Variants in SPNS3 observed in about 807,000 individuals in gnomAD.
The protein encoded by SPNS3 is protein spinster homolog 3.
A neutral mutation model predicts 54.4 loss-of-function variants in SPNS3; 51 were observed. That is an observed-to-expected ratio of 0.94 (90% CI 0.75 to 1.18). The LOEUF (loss-of-function observed/expected upper bound fraction) is 1.18. Ranked by LOEUF, SPNS3 falls within the 50% of genes most tolerant of loss-of-function variation. The pLI, the probability that SPNS3 is intolerant of heterozygous loss-of-function variation, is 0.00. For missense variants in SPNS3, 669 were observed against 677.4 expected (o/e 0.99, Z 0.14); for synonymous variants, 309 against 294.7 (o/e 1.05, Z -0.50).
chr17:4,461,204 C>A (rs1462866491), intron 8 of SPNS3, among the ~76,000 whole-genome samples: 1 of 151,688 alleles, frequency 6.6e-6, no homozygotes, highest in South Asian at 2.1e-4. Flanking sequence ...AGTAATGTCC[C>A]CCCTTTCATT....
intron 7 of SPNS3, among the ~76,000 whole-genome samples, chr17:4,451,603 CTGGTGTTTTCAAGAGTTCACAG>C (rs1206076428): frequency 1.3e-5 from 2 of 152,160 alleles, no homozygotes; most frequent in Non-Finnish European, 2.9e-5. Context: ...CCTGGTTGGA[CTGGTGTTTTCAAGAGTTCACAG>C]TGGGCACAGT....
At chr17:4,472,192 T>C (rs945122631) in intron 8 of SPNS3, among the ~76,000 whole-genome samples, 2 of 152,136 alleles carry the variant, frequency 1.3e-5, no homozygotes, top group African/African-American at 2.4e-5. Flanking sequence ...CTCCCTCCCT[T>C]CCTTCCTTCT....
At chr17:4,438,623 G>C (rs1304740525) in intron 1 of SPNS3, among the ~76,000 whole-genome samples, 1 of 152,240 alleles carries the variant, frequency 6.6e-6, no homozygotes, top group African/African-American at 2.4e-5. Context: ...GAACAGGCTT[G>C]TGTGTGCACA....
chr17:4,457,035 C>T (rs185943410), intron 8 of SPNS3, among the ~76,000 whole-genome samples: 4 of 152,220 alleles, frequency 2.6e-5, no homozygotes, highest in African/African-American at 9.6e-5. Context: ...TTTCTTATGC[C>T]ATTTGACAGG....
Position 4,486,937 on chromosome 17 carries a change from G to A in SPNS3, c.1450+354G>A, listed in dbSNP as rs548420565. Among the ~76,000 whole-genome samples, 1 of 152,074 alleles carries A rather than the reference G, an allele frequency of 6.6e-6. No homozygotes were observed. Among genetic ancestry groups the A allele is most frequent in the African/African-American group, 2.4e-5 (1 of 41,404 alleles). On this transcript the variant is annotated intron_variant, in intron 11 of 11. Transcript: ENST00000355530. This position sits in a 1 kb window ranked among gnomAD's most constrained non-coding sequence, Gnocchi z 5.5. ...ACCTGTAATCCCAGTACTTGGGGAG[G>A]CCAAGGCGGGCGGATTACAAGGTTA...
intron 8 of SPNS3, among the ~76,000 whole-genome samples, chr17:4,468,125 G>A (rs934055834): frequency 6.6e-6 from 1 of 152,152 alleles, no homozygotes; most frequent in Admixed American, 6.5e-5. Flanking sequence ...GGCTCTCTCT[G>A]GCTGCCACGT....
chr17:4,451,341 TC>T (rs1971159717), intron 7 of SPNS3, among the ~76,000 whole-genome samples: 1 of 150,762 alleles, frequency 6.6e-6, no homozygotes, highest in Non-Finnish European at 1.5e-5. Flanking sequence ...AACCTCGGCC[TC>T]CCGGGTTCAA....
At chr17:4,480,252 A>G (rs1394849885) in intron 9 of SPNS3, among the ~76,000 whole-genome samples, 1 of 152,200 alleles carries the variant, frequency 6.6e-6, no homozygotes, top group Non-Finnish European at 1.5e-5. Flanking sequence ...CTTGGGCTCC[A>G]GCCCAGAGTC....
At chr17:4,439,326 C>T (rs62067388) in intron 1 of SPNS3, among the ~76,000 whole-genome samples, 8,720 of 152,152 alleles carry the variant, frequency 0.057, 311 homozygotes, top group Non-Finnish European at 0.08. Flanking sequence ...GGTTTCACCA[C>T]GTTGACCATG....
rs538983641 is a variant in SPNS3 at position 4,451,158 on chromosome 17, C to T, written c.923+1771C>T. ...GACTCAGAGGCAGCTAGCATACATCCGGGATTTGGGTCATTTGACTGGGCT... is the reference window on the plus strand; with the variant it reads ...GACTCAGAGGCAGCTAGCATACATCTGGGATTTGGGTCATTTGACTGGGCT... On this transcript the variant is annotated intron_variant, in intron 7 of 11. Transcript: ENST00000355530. 1.1e-4 allele frequency among the ~76,000 whole-genome samples: 16 copies of T among 152,170 alleles called. No homozygotes were observed. The East Asian group carries it at 1.4e-3, about 13-fold the overall frequency.
chr17:4,453,609 C>T (rs893258894), intron 8 of SPNS3, among the ~76,000 whole-genome samples: 4 of 129,408 alleles, frequency 3.1e-5, no homozygotes, highest in Non-Finnish European at 5.1e-5. Flanking sequence ...TGGAGCAAGA[C>T]TCCATCTTGG....
intron 1 of SPNS3, among the ~76,000 whole-genome samples, chr17:4,435,540 G>T (rs184978756): frequency 2.6e-5 from 4 of 151,944 alleles, no homozygotes; most frequent in African/African-American, 9.6e-5. Flanking sequence ...ACATAATGAG[G>T]GGTGGGTGGG....
rs1423782022 is a variant in SPNS3, at chr17:4,445,102, T to G, written c.336T>G (p.Ala112=). The G allele has an allele frequency of 2.5e-6, 4 of 1,614,086 alleles. No homozygotes were observed. The highest frequency in any genetic ancestry group is 1.7e-5 in the Admixed American group (1 of 60,010). ...GYLGDRHSRK[A]TMSFGILLWS... ...TGGGCGACCGACATAGCCGCAAGGC[T>G]ACCATGAGCTTCGGTATCTTGCTGT... The change falls in exon 3 of 12, where the codon GCT becomes GCG. Residue 112 remains alanine, a synonymous_variant. Transcript: ENST00000355530.
At chr17:4,484,757 C>A (rs527967924) in intron 9 of SPNS3, among the ~76,000 whole-genome samples, 1 of 152,190 alleles carries the variant, frequency 6.6e-6, no homozygotes, top group South Asian at 2.1e-4. Flanking sequence ...CTCCCCCTCC[C>A]TCCTTCCATC....
chr17:4,435,296 A>C (rs1052639655), intron 1 of SPNS3, among the ~76,000 whole-genome samples: 2 of 151,400 alleles, frequency 1.3e-5, no homozygotes, highest in African/African-American at 4.8e-5. Flanking sequence ...GGTAGCGGGC[A>C]CCTGTAATCT....
At chr17:4,456,306 G>T (rs1971312937) in intron 8 of SPNS3, among the ~76,000 whole-genome samples, 1 of 152,114 alleles carries the variant, frequency 6.6e-6, no homozygotes, top group Non-Finnish European at 1.5e-5. Context: ...CACGCAAGCA[G>T]TGGGGGGCCA....
chr17:4,457,249 G>A (rs1239425173), intron 8 of SPNS3, among the ~76,000 whole-genome samples: 1 of 152,144 alleles, frequency 6.6e-6, no homozygotes, highest in Non-Finnish European at 1.5e-5. Flanking sequence ...AAAATTAGTT[G>A]GACATGGTGG....
At chr17:4,475,548 G>A (rs1333193205) in intron 8 of SPNS3, among the ~76,000 whole-genome samples, 1 of 152,260 alleles carries the variant, frequency 6.6e-6, no homozygotes, top group Non-Finnish European at 1.5e-5. Context: ...ATGGGGAGCA[G>A]GTGCTATTCC....
intron 8 of SPNS3, among the ~76,000 whole-genome samples, chr17:4,468,975 C>T (rs760624817): frequency 6.6e-5 from 10 of 151,716 alleles, no homozygotes; most frequent in South Asian, 4.2e-4. Context: ...TTGGTAGAGA[C>T]GGGGGTTTCA....
Sources: allele counts gnomAD v4.1 joint callset (sites outside exome capture counted in the v4.1 genomes callset), GRCh38; gene constraint gnomAD v4.1.1; non-coding constraint Gnocchi (gnomAD v3.1); transcripts MANE v1.5; gene names NCBI Gene and HGNC (gene_info 2026-07-23, HGNC 2026-07-21).